GALNT13: variants seen among roughly 807,000 people sequenced by gnomAD.
GALNT13 encodes the protein polypeptide N-acetylgalactosaminyltransferase 13.
GALNT13 carries 28 observed loss-of-function variants against 64.2 expected under a neutral mutation model. The observed-to-expected ratio is 0.44, with a 90% CI of 0.32 to 0.60. The LOEUF (loss-of-function observed/expected upper bound fraction) is 0.60, where lower values mean the gene tolerates loss of function less well. Among genes scored for constraint, GALNT13 ranks in the 20% least tolerant of loss-of-function variants. The probability of loss-of-function intolerance (pLI) is 0.05; values close to 1 mark genes in which losing one functional copy is unlikely to be tolerated. For missense variants in GALNT13, 577 were observed against 669.8 expected (o/e 0.86, Z 1.53); for synonymous variants, 214 against 224.6 (o/e 0.95, Z 0.42).
intron 4 of GALNT13, among the ~76,000 whole-genome samples, chr2:154,145,411 G>C (rs868245099): frequency 6.6e-6 from 1 of 151,710 alleles, no homozygotes; most frequent in African/African-American, 2.4e-5. Context: ...AAATGCTTCT[G>C]TTGTCAGAAA....
At chr2:153,828,100 A>G in the GALNT13 span, among the ~76,000 whole-genome samples, 1 of 152,202 alleles carries the variant, frequency 6.6e-6, no homozygotes, top group Non-Finnish European at 1.5e-5. Context: ...GTCGCTTTGC[A>G]GGGTACAGCC....
the GALNT13 span, among the ~76,000 whole-genome samples, chr2:153,522,450 G>T: frequency 6.6e-6 from 1 of 152,100 alleles, no homozygotes; most frequent in East Asian, 1.9e-4. Context: ...TAAGAAACCA[G>T]TGTACTGTCT....
At chr2:154,286,133 G>T (rs561208278) in intron 8 of GALNT13, among the ~76,000 whole-genome samples, 2 of 152,176 alleles carry the variant, frequency 1.3e-5, no homozygotes, top group African/African-American at 4.8e-5. Context: ...TCAGCAAACA[G>T]AGATAATTTC....
At chr2:153,257,927 C>T in the GALNT13 span, among the ~76,000 whole-genome samples, 2 of 152,136 alleles carry the variant, frequency 1.3e-5, no homozygotes, top group Non-Finnish European at 2.9e-5. Context: ...CTTGGGAAAA[C>T]TGGTCTCATA....
chr2:154,367,024 T>A (rs1697401933), intron 9 of GALNT13, among the ~76,000 whole-genome samples: 1 of 152,200 alleles, frequency 6.6e-6, no homozygotes, highest in South Asian at 2.1e-4. Flanking sequence ...ATGGGTTTCA[T>A]TGTTGCTACT....
the GALNT13 span, among the ~76,000 whole-genome samples, chr2:153,747,371 C>G: frequency 5.2e-3 from 788 of 151,406 alleles, 6 homozygotes; most frequent in African/African-American, 0.018. Flanking sequence ...ACTACCCTTC[C>G]CAGCCTCTGG....
At chr2:153,620,604 C>T in the GALNT13 span, among the ~76,000 whole-genome samples, 3 of 151,894 alleles carry the variant, frequency 2.0e-5, no homozygotes, top group Non-Finnish European at 4.4e-5. Flanking sequence ...AGAATTTCTG[C>T]TTGATTCTTT....
chr2:154,382,189 T>G (rs1188741123), intron 9 of GALNT13, among the ~76,000 whole-genome samples: 2 of 152,072 alleles, frequency 1.3e-5, no homozygotes, highest in African/African-American at 4.8e-5. Context: ...GTTTGTTAAA[T>G]TAAATGGTAG....
intron 8 of GALNT13, among the ~76,000 whole-genome samples, chr2:154,262,346 C>T (rs774698618): frequency 5.1e-4 from 78 of 152,110 alleles, no homozygotes; most frequent in Non-Finnish European, 1.0e-3. Flanking sequence ...GAAAGAAAGA[C>T]GCTAACATGC....
At position 153,944,415 on chromosome 2, in the gene GALNT13, C is replaced by A; in HGVS notation, c.-83C>A. 7.9e-7 allele frequency: 1 copy of A among 1,260,744 alleles called. No individual in the cohort carries two copies. The highest frequency in any genetic ancestry group is 1.1e-6 in the Non-Finnish European group (1 of 893,512). The allele number at this position is 1,260,744 out of a possible 1,614,324, so 78.1% of individuals were successfully genotyped here. On this transcript the variant is annotated 5_prime_UTR_variant, in exon 3 of 13. Transcript: ENST00000392825. ...GCAGTGGAATGTATCCTGCTTTCAT[C>A]TTGGAGTTCACCTGTGTGGCTTGGA...
chr2:154,196,937 A>G (rs1023166012), intron 4 of GALNT13, among the ~76,000 whole-genome samples: 1 of 152,212 alleles, frequency 6.6e-6, no homozygotes, highest in South Asian at 2.1e-4. Context: ...TACTATTATT[A>G]TATGTGTCCT....
the GALNT13 span, among the ~76,000 whole-genome samples, chr2:153,682,823 C>T: frequency 6.6e-6 from 1 of 151,754 alleles, no homozygotes; most frequent in African/African-American, 2.4e-5. Flanking sequence ...GGCTAAACCA[C>T]ATGGCTTAAG....
chr2:153,730,780 CAAAT>C, the GALNT13 span, among the ~76,000 whole-genome samples: 3 of 151,680 alleles, frequency 2.0e-5, no homozygotes, highest in Non-Finnish European at 3.0e-5. Flanking sequence ...AAGTGACTAA[CAAAT>C]AAAAATGCTC....
the GALNT13 span, among the ~76,000 whole-genome samples, chr2:153,275,462 C>G: frequency 6.6e-6 from 1 of 152,086 alleles, no homozygotes; most frequent in South Asian, 2.1e-4. Context: ...TTTTGCCCTA[C>G]TGCCTTTCAC....
chr2:153,477,934 T>G, the GALNT13 span: 87 of 414,496 alleles, frequency 2.1e-4, no homozygotes, highest in Non-Finnish European at 2.6e-4. Flanking sequence ...GAGAAGGGCC[T>G]TCGCACCGTC....
chr2:154,445,264 T>G (rs181299861), intron 12 of GALNT13, among the ~76,000 whole-genome samples: 32 of 152,150 alleles, frequency 2.1e-4, no homozygotes, highest in African/African-American at 7.2e-4. Context: ...ATTTTTTTAA[T>G]GAAAATTCTA....
intron 9 of GALNT13, among the ~76,000 whole-genome samples, chr2:154,341,591 T>C (rs1695775792): frequency 6.6e-6 from 1 of 151,900 alleles, no homozygotes; most frequent in Admixed American, 6.6e-5. Flanking sequence ...TGAGAAGTTG[T>C]GGAACATGAG....
chr2:154,394,929 G>A (rs1698987030), intron 9 of GALNT13, among the ~76,000 whole-genome samples: 1 of 152,188 alleles, frequency 6.6e-6, no homozygotes, highest in Non-Finnish European at 1.5e-5. Context: ...CGGAGCTAGT[G>A]AATGATGAGT....
the GALNT13 span, among the ~76,000 whole-genome samples, chr2:153,437,625 T>G: frequency 6.6e-6 from 1 of 152,222 alleles, no homozygotes; most frequent in Non-Finnish European, 1.5e-5. Flanking sequence ...TAAAGTCTGT[T>G]TTATCAGAGA....
Sources: gnomAD v4.1 joint callset for allele counts (sites outside exome capture counted in the v4.1 genomes callset) on GRCh38, gnomAD v4.1.1 for gene constraint, MANE v1.5 for transcripts, NCBI Gene and HGNC (gene_info 2026-07-23, HGNC 2026-07-21) for gene names.